The following EBF1 variants were observed in gnomAD, a reference collection of about 807,000 sequenced individuals.
EBF1 encodes the protein transcription factor COE1.
In EBF1, 10 loss-of-function variants were observed where a neutral mutation model predicts 68.4. The ratio of observed to expected loss-of-function variants is 0.15; its 90% CI spans 0.09 to 0.25. EBF1 has a LOEUF of 0.25. EBF1 is among the 10% of genes least tolerant of loss of function. EBF1 has a pLI of 1.00. For synonymous variants in EBF1, 298 were observed against 299.8 expected (o/e 0.99, Z 0.06); for missense variants, 509 against 794.4 (o/e 0.64, Z 4.32).
chr5:158,720,286 G>A (rs1761656319), intron 11 of EBF1, among the ~76,000 whole-genome samples: 1 of 152,134 alleles, frequency 6.6e-6, no homozygotes, highest in Non-Finnish European at 1.5e-5. Context: ...TGACATTACT[G>A]ATTGGAAAGG....
intron 10 of EBF1, among the ~76,000 whole-genome samples, chr5:158,762,984 A>G (rs1247603990): frequency 1.3e-5 from 2 of 152,180 alleles, no homozygotes; most frequent in Non-Finnish European, 2.9e-5. Flanking sequence ...CAGTAACTTC[A>G]CTGGGCCAGG....
At chr5:159,040,193 C>T (rs2127772505) in intron 6 of EBF1, among the ~76,000 whole-genome samples, 1 of 152,246 alleles carries the variant, frequency 6.6e-6, no homozygotes, top group East Asian at 1.9e-4. Flanking sequence ...GTGCCGCACA[C>T]CAGCACCACA....
intron 7 of EBF1, among the ~76,000 whole-genome samples, chr5:158,829,600 G>T (rs1787037858): frequency 6.6e-6 from 1 of 151,984 alleles, no homozygotes; most frequent in Non-Finnish European, 1.5e-5. Flanking sequence ...ATGGGGATGG[G>T]GTTGAGAAGG....
At chr5:158,906,724 T>G (rs1482175071) in intron 6 of EBF1, among the ~76,000 whole-genome samples, 1 of 151,954 alleles carries the variant, frequency 6.6e-6, no homozygotes, top group Non-Finnish European at 1.5e-5. Flanking sequence ...CAGGAAGGAG[T>G]AGAGTCTGGG....
chr5:159,051,189 A>G (rs1376825113), intron 6 of EBF1, among the ~76,000 whole-genome samples: 1 of 151,972 alleles, frequency 6.6e-6, no homozygotes, highest in Non-Finnish European at 1.5e-5. Flanking sequence ...TTGAAGCCGC[A>G]CCACAAAGGG....
chr5:158,840,128 A>T lies in EBF1; in HGVS notation c.555-18T>A. The T allele has an allele frequency of 6.2e-6, 10 of 1,602,986 alleles. No individual in the cohort carries two copies. Among genetic ancestry groups the T allele is most frequent in the Non-Finnish European group, 8.5e-6 (10 of 1,170,058 alleles). ...AGAAGAACCTGTGAAGAAACAAATC[A>T]TCATGGTTAGCATTTCGGTTTCTGA... On this transcript the variant is annotated intron_variant, in intron 6 of 15. Transcript: ENST00000313708.
intron 6 of EBF1, among the ~76,000 whole-genome samples, chr5:159,070,931 C>T (rs944653453): frequency 6.6e-6 from 1 of 152,168 alleles, no homozygotes; most frequent in Non-Finnish European, 1.5e-5. Context: ...AAATTGGAAA[C>T]TATGAAATTC....
chr5:158,873,549 T>C (rs1196982378), intron 6 of EBF1, among the ~76,000 whole-genome samples: 2 of 152,226 alleles, frequency 1.3e-5, no homozygotes, highest in Non-Finnish European at 2.9e-5. Flanking sequence ...TTTCCATTCC[T>C]ACTATGAATG....
At chr5:158,842,532 C>CT (rs1790539127) in intron 6 of EBF1, among the ~76,000 whole-genome samples, 1 of 152,224 alleles carries the variant, frequency 6.6e-6, no homozygotes, top group Non-Finnish European at 1.5e-5. Flanking sequence ...TATCCTGACT[C>CT]TGACAGGTAC....
At chr5:158,903,493 C>T (rs75509895) in intron 6 of EBF1, among the ~76,000 whole-genome samples, 7,952 of 152,100 alleles carry the variant, frequency 0.052, 278 homozygotes, top group Non-Finnish European at 0.071. Flanking sequence ...AGTGGGGTGC[C>T]CTCATGCTCT....
Position 159,099,552 on chromosome 5 carries a change from G to T in EBF1, c.-74C>A. 2.3e-6 allele frequency: 3 copies of T among 1,303,810 alleles called. No homozygotes were observed. Among genetic ancestry groups the T allele is most frequent in the South Asian group, 1.9e-5 (1 of 52,954 alleles). The allele number at this position is 1,303,810 out of a possible 1,614,324, so 80.8% of individuals were successfully genotyped here. On this transcript the variant is annotated 5_prime_UTR_variant, in exon 1 of 16. Coordinates refer to ENST00000313708, the MANE Select transcript of EBF1 (RefSeq NM_024007.5). ...AAAAAAAAAAAAAAAGGAAAGAAAA[G>T]AAAGAAAAGAAAAGAAACAAAAACG...
chr5:158,728,889 C>T (rs1763519916), intron 11 of EBF1, among the ~76,000 whole-genome samples: 1 of 152,198 alleles, frequency 6.6e-6, no homozygotes, highest in Non-Finnish European at 1.5e-5. Context: ...CAACTATGGG[C>T]CAGATGCTAT....
chr5:158,824,490 G>A (rs1377897542), intron 7 of EBF1, among the ~76,000 whole-genome samples: 3 of 152,230 alleles, frequency 2.0e-5, no homozygotes, highest in Non-Finnish European at 4.4e-5. Flanking sequence ...CCTCCAGAGC[G>A]AAGGCTGAGG....
chr5:158,848,156 G>C (rs1157032789), intron 6 of EBF1, among the ~76,000 whole-genome samples: 1 of 152,100 alleles, frequency 6.6e-6, no homozygotes, highest in Non-Finnish European at 1.5e-5. Flanking sequence ...TCATTTTACA[G>C]ATAATGCTAC....
At chr5:158,778,473 C>A (rs998967272) in intron 9 of EBF1, among the ~76,000 whole-genome samples, 2 of 152,026 alleles carry the variant, frequency 1.3e-5, no homozygotes, top group African/African-American at 2.4e-5. Flanking sequence ...GTATTGAGTC[C>A]ACTGCATACA....
intron 6 of EBF1, among the ~76,000 whole-genome samples, chr5:158,914,475 C>T (rs1301629724): frequency 6.6e-6 from 1 of 152,120 alleles, no homozygotes; most frequent in Admixed American, 6.5e-5. Flanking sequence ...CTTGCTGTTC[C>T]ACATGTCACA....
chr5:158,999,930 A>G (rs1022888178), intron 6 of EBF1, among the ~76,000 whole-genome samples: 1 of 152,214 alleles, frequency 6.6e-6, no homozygotes, highest in African/African-American at 2.4e-5. Context: ...CATTTTTGAG[A>G]GACAGTATTG....
chr5:159,035,033 A>T (rs1561849166), intron 6 of EBF1, among the ~76,000 whole-genome samples: 1 of 152,236 alleles, frequency 6.6e-6, no homozygotes, highest in Non-Finnish European at 1.5e-5. Flanking sequence ...AAATCAAAAA[A>T]TAAACCAGAA....
At chr5:159,004,419 A>T (rs1056721949) in intron 6 of EBF1, among the ~76,000 whole-genome samples, 1 of 152,144 alleles carries the variant, frequency 6.6e-6, no homozygotes, top group African/African-American at 2.4e-5. Flanking sequence ...GGGAGGCTAC[A>T]GGACTATCTT....
Sources: gnomAD v4.1 joint callset for allele counts (sites outside exome capture counted in the v4.1 genomes callset) on GRCh38, gnomAD v4.1.1 for gene constraint, MANE v1.5 for transcripts, NCBI Gene and HGNC (gene_info 2026-07-23, HGNC 2026-07-21) for gene names.